SENP7: variants seen among roughly 807,000 people sequenced by gnomAD.
The protein encoded by SENP7 is sentrin-specific protease 7.
A neutral mutation model predicts 141.2 loss-of-function variants in SENP7; 64 were observed. The ratio of observed to expected loss-of-function variants is 0.45; its 90% CI spans 0.37 to 0.56. The LOEUF (loss-of-function observed/expected upper bound fraction) is 0.56, where lower values mean the gene tolerates loss of function less well. Among genes scored for constraint, SENP7 ranks in the 20% least tolerant of loss-of-function variants. The pLI is 0.00. For missense variants in SENP7, 1,025 were observed against 1,212.2 expected, an observed-to-expected ratio of 0.85 and a Z score of 2.29; for synonymous variants, 382 against 426.4, an observed-to-expected ratio of 0.90 and a Z score of 1.28.
chr3:101,429,934 A>G (rs1014921334), intron 4 of SENP7, among the ~76,000 whole-genome samples: 3 of 152,154 alleles, frequency 2.0e-5, no homozygotes, highest in African/African-American at 7.2e-5. Flanking sequence ...TTCTGCATCT[A>G]TTGAGATAAT....
At chr3:101,380,445 C>CCCACACACACA (rs58844573) in intron 6 of SENP7, among the ~76,000 whole-genome samples, 1 of 128,824 alleles carries the variant, frequency 7.8e-6, no homozygotes, top group African/African-American at 2.8e-5. Flanking sequence ...GCCCCCCCCC[C>CCCACACACACA]CACACACACA....
At chr3:101,433,253 T>C (rs148873585) in intron 4 of SENP7, among the ~76,000 whole-genome samples, 1 of 132,406 alleles carries the variant, frequency 7.6e-6, no homozygotes, top group African/African-American at 2.8e-5. Context: ...CCAAAAAACA[T>C]ACAATGGATA....
chr3:101,463,374 T>TATATATATATATATAC (rs1559864873), intron 3 of SENP7, among the ~76,000 whole-genome samples: 128 of 85,904 alleles, frequency 1.5e-3, no homozygotes, highest in African/African-American at 6.7e-3. Context: ...AATATATATA[T>TATATATATATATATAC]ATATATATAT....
intron 5 of SENP7, among the ~76,000 whole-genome samples, chr3:101,411,149 T>A (rs1280275217): frequency 6.6e-6 from 1 of 152,180 alleles, no homozygotes; most frequent in Non-Finnish European, 1.5e-5. Context: ...AATATCTCCC[T>A]TACAAAGTTG....
At chr3:101,415,069 T>C (rs1220833758) in intron 5 of SENP7, among the ~76,000 whole-genome samples, 1 of 152,208 alleles carries the variant, frequency 6.6e-6, no homozygotes, top group Non-Finnish European at 1.5e-5. Flanking sequence ...CCATTTTCCA[T>C]AAGCTGTGAA....
chr3:101,454,508 C>A (rs1425019935), intron 4 of SENP7, among the ~76,000 whole-genome samples: 2 of 151,560 alleles, frequency 1.3e-5, no homozygotes, highest in African/African-American at 4.9e-5. Context: ...GAGACTCCAT[C>A]TCAAAAGAAA....
intron 4 of SENP7, among the ~76,000 whole-genome samples, chr3:101,426,164 G>A (rs527693276): frequency 6.6e-6 from 1 of 152,222 alleles, no homozygotes; most frequent in East Asian, 1.9e-4. Flanking sequence ...CATGAGTTCT[G>A]TCACCCATGA....
chr3:101,439,000 G>A (rs1559826257), intron 4 of SENP7, among the ~76,000 whole-genome samples: 4 of 135,762 alleles, frequency 2.9e-5, no homozygotes, highest in African/African-American at 1.1e-4. Context: ...CCCATCGTCT[G>A]GGATGTGAGG....
At position 101,398,263 on chromosome 3, in the gene SENP7, T is replaced by C. The variant is rs538936504; in HGVS notation, c.677+598A>G. On this transcript the variant is annotated intron_variant, in intron 6 of 23. Transcript: ENST00000394095. ...TCACAAGGTCAGGAGATCGAGACCA[T>C]CCTGGCTAACACGGTGAAACCCTGT... is the stretch of plus-strand genomic sequence containing the variant. 3.3e-5 allele frequency among the ~76,000 whole-genome samples: 5 copies of C among 152,110 alleles called. No homozygotes were observed. In the South Asian group the frequency reaches 1.0e-3, roughly 32 times the overall value.
Position 101,325,848 on chromosome 3 carries a change from G to T in SENP7, c.*95C>A. ...ATGACTTATTATAAAACTACTGCAA[G>T]TTATTTTCTTCTCTGTGAGCTGGCT... On this transcript the variant is annotated 3_prime_UTR_variant, in exon 24 of 24. Coordinates refer to ENST00000394095, the MANE Select transcript of SENP7 (RefSeq NM_020654.5). 1 of 1,152,226 alleles carries T rather than the reference G, an allele frequency of 8.7e-7. No individual in the cohort carries two copies. The highest frequency in any genetic ancestry group is 1.2e-6 in the Non-Finnish European group (1 of 836,804). 71.4% of individuals were successfully genotyped at this position (1,152,226 alleles called of 1,614,324 possible). A position where few individuals can be genotyped will look rare whatever the true frequency, so the allele number is the denominator to read the frequency against.
chr3:101,394,314 G>A (rs1007912666), intron 6 of SENP7, among the ~76,000 whole-genome samples: 1 of 152,066 alleles, frequency 6.6e-6, no homozygotes. Context: ...ATTCCATTGT[G>A]TATACAGACA....
At chr3:101,429,351 T>C (rs1261182415) in intron 4 of SENP7, among the ~76,000 whole-genome samples, 1 of 152,222 alleles carries the variant, frequency 6.6e-6, no homozygotes. Context: ...CATTTGTTTG[T>C]GTCCTCTTTT....
chr3:101,446,420 A>T (rs940672830), intron 4 of SENP7, among the ~76,000 whole-genome samples: 1 of 152,246 alleles, frequency 6.6e-6, no homozygotes, highest in East Asian at 1.9e-4. Flanking sequence ...TAATAGACCT[A>T]ACAGACATTT....
chr3:101,377,055 T>C (rs2060357281), intron 6 of SENP7, among the ~76,000 whole-genome samples: 1 of 152,086 alleles, frequency 6.6e-6, no homozygotes. Context: ...AAAGAAATTA[T>C]AGAGAAAAAT....
intron 3 of SENP7, among the ~76,000 whole-genome samples, chr3:101,465,985 T>C (rs2063745547): frequency 6.6e-6 from 1 of 152,108 alleles, no homozygotes; most frequent in East Asian, 1.9e-4. Flanking sequence ...TTCAATGAAA[T>C]ATAAAATACA....
chr3:101,468,540 TG>T (rs1293701463), intron 3 of SENP7, among the ~76,000 whole-genome samples: 4 of 151,882 alleles, frequency 2.6e-5, no homozygotes, highest in Non-Finnish European at 2.9e-5. Flanking sequence ...CAGAAGAGAG[TG>T]GGGGCCAATA....
intron 1 of SENP7, among the ~76,000 whole-genome samples, 155 bp downstream of exon 1, chr3:101,512,936 G>A (rs1225731426): frequency 1.3e-5 from 2 of 152,014 alleles, no homozygotes; most frequent in East Asian, 1.9e-4. Context: ...AGGGGCGGGG[G>A]CGACCCGGGA....
intron 4 of SENP7, among the ~76,000 whole-genome samples, chr3:101,422,942 T>C (rs2061834831): frequency 6.6e-6 from 1 of 152,160 alleles, no homozygotes; most frequent in East Asian, 1.9e-4. Flanking sequence ...ATGACTTAAT[T>C]ATATAGCTTG....
rs62280724 is a variant in SENP7 at position 101,429,597 on chromosome 3, G to A, written c.285-11807C>T. On this transcript the variant is annotated intron_variant, in intron 4 of 23. Coordinates refer to ENST00000394095, the MANE Select transcript of SENP7 (RefSeq NM_020654.5). ...GCTTAAGGAGATTTTGGGCTGAGAC[G>A]ATGGGGTTTCCTAAATATACAATCA... is the stretch of plus-strand genomic sequence containing the variant. 2.7e-3 allele frequency among the ~76,000 whole-genome samples: 404 copies of A among 152,256 alleles called. 5 individuals are homozygous for A. Among genetic ancestry groups the A allele is most frequent in the Non-Finnish European group, 3.4e-3 (233 of 68,006 alleles).
Sources: gnomAD v4.1 joint callset for allele counts (sites outside exome capture counted in the v4.1 genomes callset) on GRCh38, gnomAD v4.1.1 for gene constraint, MANE v1.5 for transcripts, NCBI Gene and HGNC (gene_info 2026-07-23, HGNC 2026-07-21) for gene names.